BMERB1: variants seen among roughly 807,000 people sequenced by gnomAD.
BMERB1 encodes the protein bMERB domain-containing protein 1.
In BMERB1, 12 loss-of-function variants were observed where a neutral mutation model predicts 23.6. That is an observed-to-expected ratio of 0.51 (90% CI 0.33 to 0.82). BMERB1 has a LOEUF of 0.82. BMERB1 is among the 40% of genes least tolerant of loss of function. The probability of loss-of-function intolerance (pLI) is 0.03; values close to 1 mark genes in which losing one functional copy is unlikely to be tolerated. For missense variants in BMERB1, 247 were observed against 255.4 expected (o/e 0.97, Z 0.22); for synonymous variants, 122 against 96.6 (o/e 1.26, Z -1.54).
intron 1 of BMERB1, among the ~76,000 whole-genome samples, chr16:15,497,646 G>A (rs952562228): frequency 1.3e-5 from 2 of 152,214 alleles, no homozygotes; most frequent in African/African-American, 4.8e-5. Context: ...CTGAGACACA[G>A]ATTGGCATTT....
intron 1 of BMERB1, among the ~76,000 whole-genome samples, chr16:15,453,072 T>C (rs1272657605): frequency 1.3e-5 from 2 of 151,908 alleles, no homozygotes; most frequent in Non-Finnish European, 2.9e-5. Flanking sequence ...CTCGGGAGGC[T>C]GGGGCAGGAG....
intron 2 of BMERB1, among the ~76,000 whole-genome samples, chr16:15,530,903 CTTTTTTTTTTT>C (rs1220558728): frequency 1.8e-5 from 2 of 109,250 alleles, no homozygotes; most frequent in African/African-American, 3.5e-5. Context: ...TTTCTTCTTT[CTTTTTTTTTTT>C]TTTTTTTTTT....
chr16:15,525,258 G>A (rs1037936310), intron 2 of BMERB1, among the ~76,000 whole-genome samples: 9 of 152,140 alleles, frequency 5.9e-5, no homozygotes, highest in Admixed American at 1.3e-4. Context: ...GCCTTTGAAC[G>A]CAAACTGAAA....
chr16:15,435,000 G>C (rs1434222571), intron 1 of BMERB1, among the ~76,000 whole-genome samples: 1 of 152,268 alleles, frequency 6.6e-6, no homozygotes, highest in Non-Finnish European at 1.5e-5. Context: ...AGGCAGCTAA[G>C]GCAGGAGCCT....
chr16:15,580,499 G>A (rs1429751502), intron 3 of BMERB1, among the ~76,000 whole-genome samples: 1 of 151,824 alleles, frequency 6.6e-6, no homozygotes, highest in Non-Finnish European at 1.5e-5. Context: ...TCCAGAGGGT[G>A]GAAGGGCAGA....
At chr16:15,541,254 A>G (rs962943022) in intron 2 of BMERB1, among the ~76,000 whole-genome samples, 1 of 151,958 alleles carries the variant, frequency 6.6e-6, no homozygotes, top group Non-Finnish European at 1.5e-5. Flanking sequence ...AGCCGTGCAG[A>G]GCTTCCATGA....
chr16:15,559,563 CG>C (rs1278275528), intron 2 of BMERB1, among the ~76,000 whole-genome samples: 4 of 152,186 alleles, frequency 2.6e-5, no homozygotes, highest in Non-Finnish European at 5.9e-5. Flanking sequence ...ACTGCTGTGA[CG>C]GTCTAGAAGA....
At chr16:15,493,223 A>G (rs928336664) in intron 1 of BMERB1, among the ~76,000 whole-genome samples, 1 of 151,710 alleles carries the variant, frequency 6.6e-6, no homozygotes, top group Non-Finnish European at 1.5e-5. Flanking sequence ...GTGGTGGTGC[A>G]TGCCTGTACT....
chr16:15,451,733 A>ATTTTT (rs71152429), intron 1 of BMERB1, among the ~76,000 whole-genome samples: 23 of 77,402 alleles, frequency 3.0e-4, no homozygotes, highest in African/African-American at 7.2e-4. Context: ...TAGCTAACTA[A>ATTTTT]TTTTTTTTTT....
At chr16:15,497,456 G>A (rs1050107576) in intron 1 of BMERB1, among the ~76,000 whole-genome samples, 2 of 152,122 alleles carry the variant, frequency 1.3e-5, no homozygotes, top group African/African-American at 2.4e-5. Context: ...CAAACTTTAA[G>A]TTTCAAGAGT....
intron 1 of BMERB1, among the ~76,000 whole-genome samples, chr16:15,500,094 G>A (rs2051513524): frequency 1.3e-5 from 2 of 152,136 alleles, no homozygotes; most frequent in South Asian, 4.1e-4. Context: ...CAGTTTTCTG[G>A]TGCCTTTGCT....
rs775574264 is a variant in BMERB1 at position 15,586,706 on chromosome 16, T to C, written c.503-11T>C. 3 of 1,598,778 alleles carry C rather than the reference T, an allele frequency of 1.9e-6. No individual in the cohort carries two copies. The African/African-American group carries it at 4.0e-5, about 21-fold the overall frequency. On this transcript the variant is annotated splice_polypyrimidine_tract_variant and intron_variant, in intron 5 of 5. Coordinates refer to ENST00000300006, the MANE Select transcript of BMERB1 (RefSeq NM_033201.3). ...TTCTCCCCCTCTCCCTGTGCCCACA[T>C]CTTGCTGCAGGCTCCCGGGCAGAGA...
At chr16:15,553,954 A>C (rs776423280) in intron 2 of BMERB1, among the ~76,000 whole-genome samples, 1 of 152,174 alleles carries the variant, frequency 6.6e-6, no homozygotes, top group Non-Finnish European at 1.5e-5. Context: ...GATGGCTCCC[A>C]TGTTAAGGTT....
rs575724961 is a variant in BMERB1 at position 15,542,117 on chromosome 16, G to A, written c.231-25866G>A. Among the ~76,000 whole-genome samples, 755 of 147,568 alleles carry A rather than the reference G, an allele frequency of 5.1e-3. 8 individuals are homozygous for A. Among genetic ancestry groups the A allele is most frequent in the Middle Eastern group, 7.1e-3 (2 of 280 alleles). Reference sequence around the variant, plus strand: ...CTCACTCTATAGCCTAGGCTGGAGTGCAGTGGCATGATTGCGGCTCACTGC... The same window carrying A: ...CTCACTCTATAGCCTAGGCTGGAGTACAGTGGCATGATTGCGGCTCACTGC... On this transcript the variant is annotated intron_variant, in intron 2 of 5. Coordinates refer to ENST00000300006, the MANE Select transcript of BMERB1 (RefSeq NM_033201.3).
intron 5 of BMERB1, chr16:15,584,065 C>A (rs1399618672): frequency 1.4e-6 from 1 of 702,070 alleles, no homozygotes; most frequent in East Asian, 2.7e-5. Flanking sequence ...CTCATCAGAT[C>A]CTCAGAGCAA....
At chr16:15,565,423 A>G (rs1334837951) in intron 2 of BMERB1, among the ~76,000 whole-genome samples, 3 of 152,226 alleles carry the variant, frequency 2.0e-5, no homozygotes, top group Non-Finnish European at 2.9e-5. Context: ...TCTTCTTTGT[A>G]ACATCTGAAA....
At chr16:15,567,177 C>T (rs1330062441) in intron 2 of BMERB1, among the ~76,000 whole-genome samples, 2 of 151,348 alleles carry the variant, frequency 1.3e-5, no homozygotes, top group African/African-American at 4.9e-5. Context: ...GGCAACAGAG[C>T]GACACTCTAT....
chr16:15,587,462 G>A lies in BMERB1; in HGVS notation c.*633G>A. 2.6e-6 allele frequency: 1 copy of A among 378,046 alleles called. No homozygotes were observed. The highest frequency in any genetic ancestry group is 5.5e-6 in the Non-Finnish European group (1 of 182,290). 23.4% of individuals were successfully genotyped at this position (378,046 alleles called of 1,614,324 possible). A position where few individuals can be genotyped will look rare whatever the true frequency, so the allele number is the denominator to read the frequency against. On this transcript the variant is annotated 3_prime_UTR_variant, in exon 6 of 6. Transcript: ENST00000300006. Reference sequence around the variant, plus strand: ...TCCCCCCATCCTGTGTCTGGGCACAGTTCACATCAGGACAGCGTCCATTGT... The same window carrying A: ...TCCCCCCATCCTGTGTCTGGGCACAATTCACATCAGGACAGCGTCCATTGT...
chr16:15,510,714 T>A (rs1298485239), intron 1 of BMERB1, among the ~76,000 whole-genome samples: 2 of 152,076 alleles, frequency 1.3e-5, no homozygotes, highest in African/African-American at 4.8e-5. Flanking sequence ...ATTATCTTTT[T>A]TTTTTTAGAC....
Sources: gnomAD v4.1 joint callset for allele counts (sites outside exome capture counted in the v4.1 genomes callset) on GRCh38, gnomAD v4.1.1 for gene constraint, MANE v1.5 for transcripts, NCBI Gene and HGNC (gene_info 2026-07-23, HGNC 2026-07-21) for gene names.